KCNJ16: variants seen among roughly 807,000 people sequenced by gnomAD.
The protein encoded by KCNJ16 is inward rectifier potassium channel 16.
In KCNJ16, 15 loss-of-function variants were observed where a neutral mutation model predicts 18.5. The ratio of observed to expected loss-of-function variants is 0.81; its 90% confidence interval spans 0.54 to 1.25. The LOEUF (loss-of-function observed/expected upper bound fraction) is 1.25, where lower values mean the gene tolerates loss of function less well. KCNJ16 is among the 50% of genes most tolerant of loss of function. KCNJ16 has a pLI of 0.00. For missense variants in KCNJ16, 523 were observed against 525.7 expected (o/e 0.99, Z 0.05); for synonymous variants, 174 against 186.5 (o/e 0.93, Z 0.55).
At chr17:70,130,300 A>G (rs1022064591) in intron 2 of KCNJ16, among the ~76,000 whole-genome samples, 3 of 152,210 alleles carry the variant, frequency 2.0e-5, no homozygotes, top group Non-Finnish European at 4.4e-5. Context: ...AATATTTTAC[A>G]TTGGACCTTC....
intron 1 of KCNJ16, among the ~76,000 whole-genome samples, chr17:70,091,610 CA>C (rs2072095180): frequency 1.1e-4 from 17 of 152,234 alleles, no homozygotes; most frequent in South Asian, 8.3e-4. Context: ...CACATACACA[CA>C]CACACACACA....
At chr17:70,128,404 C>A (rs764352562) in intron 2 of KCNJ16, among the ~76,000 whole-genome samples, 20 of 152,120 alleles carry the variant, frequency 1.3e-4, no homozygotes, top group Non-Finnish European at 2.9e-4. Context: ...GTTACTGACC[C>A]TTCTAACTTC....
chr17:70,106,147 A>G (rs1455495470), intron 2 of KCNJ16, among the ~76,000 whole-genome samples: 2 of 152,178 alleles, frequency 1.3e-5, no homozygotes, highest in South Asian at 2.1e-4. Flanking sequence ...GCAAGGAGTA[A>G]AGGCACAGAT....
intron 2 of KCNJ16, among the ~76,000 whole-genome samples, chr17:70,123,173 GCTCT>G (rs928077913): frequency 1.3e-5 from 2 of 151,954 alleles, no homozygotes; most frequent in Non-Finnish European, 2.9e-5. Context: ...CTATGCTCTG[GCTCT>G]CTCTTTCTAG....
chr17:70,111,053 C>G (rs1269927049), intron 2 of KCNJ16, among the ~76,000 whole-genome samples: 2 of 152,072 alleles, frequency 1.3e-5, no homozygotes, highest in African/African-American at 4.8e-5. Context: ...CACTACAACC[C>G]TGGTGTCTGG....
At chr17:70,109,923 C>A (rs1228321853) in intron 2 of KCNJ16, among the ~76,000 whole-genome samples, 1 of 152,148 alleles carries the variant, frequency 6.6e-6, no homozygotes. Flanking sequence ...GCAAGGATCT[C>A]CCAAGGCTAA....
At chr17:70,095,873 T>G (rs1374159424) in intron 1 of KCNJ16, among the ~76,000 whole-genome samples, 1 of 10,744 alleles carries the variant, frequency 9.3e-5, no homozygotes, top group East Asian at 6.1e-3. Context: ...CTTAATCCTT[T>G]TTTTTTTTTT....
At chr17:70,099,880 GATTT>G (rs57552210) in intron 1 of KCNJ16, among the ~76,000 whole-genome samples, 2,174 of 152,288 alleles carry the variant, frequency 0.014, 42 homozygotes, top group African/African-American at 0.047. Context: ...ACCCATCACT[GATTT>G]ATTTGTGATT....
At chr17:70,110,910 T>C (rs2073158606) in intron 2 of KCNJ16, among the ~76,000 whole-genome samples, 1 of 152,150 alleles carries the variant, frequency 6.6e-6, no homozygotes, top group Non-Finnish European at 1.5e-5. Flanking sequence ...TTTGGTCTGG[T>C]GGAGGTCTGC....
At chr17:70,110,390 T>C (rs1368419746) in intron 2 of KCNJ16, among the ~76,000 whole-genome samples, 1 of 152,100 alleles carries the variant, frequency 6.6e-6, no homozygotes, top group Non-Finnish European at 1.5e-5. Context: ...TTCACAGTGA[T>C]TTCACAGACA....
chr17:70,123,586 G>A (rs559074976), intron 2 of KCNJ16, among the ~76,000 whole-genome samples: 7 of 152,230 alleles, frequency 4.6e-5, no homozygotes, highest in Middle Eastern at 3.4e-3. Flanking sequence ...GCTATTATGC[G>A]CTTTCATTTT....
At chr17:70,088,363 C>A (rs552420708) in intron 1 of KCNJ16, among the ~76,000 whole-genome samples, 1 of 152,312 alleles carries the variant, frequency 6.6e-6, no homozygotes, top group South Asian at 2.1e-4. Context: ...CTAATGCTGC[C>A]GCTGATCCAG....
At chr17:70,098,231 G>A (rs1255576781) in intron 1 of KCNJ16, among the ~76,000 whole-genome samples, 1 of 152,128 alleles carries the variant, frequency 6.6e-6, no homozygotes, top group Non-Finnish European at 1.5e-5. Flanking sequence ...GGTGTAAATT[G>A]CACCCTTGGG....
chr17:70,105,264 T>C (rs2072869954), intron 2 of KCNJ16, among the ~76,000 whole-genome samples: 1 of 152,170 alleles, frequency 6.6e-6, no homozygotes, highest in South Asian at 2.1e-4. Flanking sequence ...CTCATATATC[T>C]CTGGGGAATG....
At position 70,125,219 on chromosome 17, in the gene KCNJ16, C is replaced by T. The variant is rs539767171; in HGVS notation, c.-190-5660C>T. Among the ~76,000 whole-genome samples the T allele has an allele frequency of 4.6e-5, 7 of 151,112 alleles. No individual in the cohort carries two copies. In the South Asian group the frequency reaches 8.3e-4, roughly 18 times the overall value. On this transcript the variant is annotated intron_variant, in intron 2 of 3. Transcript: ENST00000392671. ...CATGAGATCAAGGCTGCAGTGAGCT[C>T]GGATCATGCCACTGCACTCCAGCTT... is the stretch of plus-strand genomic sequence containing the variant.
intron 1 of KCNJ16, among the ~76,000 whole-genome samples, chr17:70,092,584 TA>T (rs773967413): frequency 1.1e-4 from 16 of 151,304 alleles, no homozygotes; most frequent in Non-Finnish European, 1.9e-4. Flanking sequence ...GATAGATAGA[TA>T]GATAGATAGA....
At chr17:70,084,249 C>T (rs9302910) in intron 1 of KCNJ16, among the ~76,000 whole-genome samples, 136,597 of 152,278 alleles carry the variant, frequency 0.9, 61,396 homozygotes, top group East Asian at 0.99. Flanking sequence ...TTCTGAGACA[C>T]GTAGTCTCAG....
At chr17:70,119,267 G>A (rs768047303) in intron 2 of KCNJ16, among the ~76,000 whole-genome samples, 1 of 152,210 alleles carries the variant, frequency 6.6e-6, no homozygotes, top group Non-Finnish European at 1.5e-5. Context: ...AATGCATGTA[G>A]CTTTTCCATG....
chr17:70,131,131 GA>G (rs1260021831), intron 3 of KCNJ16, among the ~76,000 whole-genome samples, 156 bp downstream of exon 3: 1 of 145,842 alleles, frequency 6.9e-6, no homozygotes, highest in Non-Finnish European at 1.5e-5. Flanking sequence ...AGGGAAACGA[GA>G]TTAGCAACTT....
Sources: gnomAD v4.1 joint callset for allele counts (sites outside exome capture counted in the v4.1 genomes callset) on GRCh38, gnomAD v4.1.1 for gene constraint, MANE v1.5 for transcripts, NCBI Gene and HGNC (gene_info 2026-07-23, HGNC 2026-07-21) for gene names.